NDST4: variants seen among roughly 807,000 people sequenced by gnomAD.
NDST4 encodes the protein N-deacetylase and N-sulfotransferase 4.
A neutral mutation model predicts 100.8 loss-of-function variants in NDST4; 63 were observed. The observed-to-expected ratio is 0.62, with a 90% CI of 0.51 to 0.77. The LOEUF (loss-of-function observed/expected upper bound fraction) is 0.77, where lower values mean the gene tolerates loss of function less well. Ranked by LOEUF, NDST4 falls within the 30% of genes least tolerant of loss-of-function variation. The probability of loss-of-function intolerance (pLI) is 0.00; values close to 1 mark genes in which losing one functional copy is unlikely to be tolerated. For synonymous variants in NDST4, 377 were observed against 361.8 expected, an observed-to-expected ratio of 1.04 and a Z score of -0.48; for missense variants, 943 against 1,018.4, an observed-to-expected ratio of 0.93 and a Z score of 1.01.
chr4:115,013,701 C>T (rs1727611136), intron 2 of NDST4, among the ~76,000 whole-genome samples: 1 of 151,788 alleles, frequency 6.6e-6, no homozygotes, highest in African/African-American at 2.4e-5. Context: ...TTTATTTCTG[C>T]AGTTCTGAAT....
At chr4:115,019,836 G>C (rs1727770633) in intron 2 of NDST4, among the ~76,000 whole-genome samples, 1 of 152,104 alleles carries the variant, frequency 6.6e-6, no homozygotes. Flanking sequence ...TTCCCAGTCT[G>C]TCTCACAAAC....
At chr4:114,877,391 G>T (rs1724277742) in intron 6 of NDST4, among the ~76,000 whole-genome samples, 1 of 152,014 alleles carries the variant, frequency 6.6e-6, no homozygotes, top group Non-Finnish European at 1.5e-5. Context: ...GCACACACAT[G>T]CATGTCAGCT....
intron 1 of NDST4, among the ~76,000 whole-genome samples, chr4:115,105,462 G>T (rs1233612709): frequency 6.6e-6 from 1 of 151,972 alleles, no homozygotes. Context: ...GGCATATCCT[G>T]AGTAATTTCC....
Position 115,087,771 on chromosome 4 carries a change from TA to T in NDST4, c.-246-10490del, listed in dbSNP as rs1729437337. ...ATTATTAGCCATTTTCATTCAAAAG[TA>T]AACTTTTTTTCTGTAACTTATCAGC... On this transcript the variant is annotated intron_variant, in intron 1 of 13. Transcript: ENST00000264363. 3.3e-5 allele frequency among the ~76,000 whole-genome samples: 5 copies of T among 152,060 alleles called. No homozygotes were observed. The South Asian group carries it at 1.0e-3, about 31-fold the overall frequency.
chr4:114,886,694 T>C (rs1002806670), intron 6 of NDST4, among the ~76,000 whole-genome samples: 1 of 152,128 alleles, frequency 6.6e-6, no homozygotes, highest in African/African-American at 2.4e-5. Flanking sequence ...TTGTTTCTCT[T>C]ATTCTTAGAT....
chr4:115,075,358 G>C (rs889321235), intron 2 of NDST4, among the ~76,000 whole-genome samples: 3 of 152,158 alleles, frequency 2.0e-5, no homozygotes, highest in Non-Finnish European at 4.4e-5. Context: ...ACCCGAGTTT[G>C]GCAGGATTTG....
intron 6 of NDST4, among the ~76,000 whole-genome samples, chr4:114,908,732 T>C (rs1020021093): frequency 7.9e-5 from 12 of 152,200 alleles, no homozygotes; most frequent in Admixed American, 3.3e-4. Flanking sequence ...TTAGCACACA[T>C]ATATACACGT....
intron 4 of NDST4, among the ~76,000 whole-genome samples, chr4:114,940,762 C>A (rs72681427): frequency 0.074 from 11,243 of 152,120 alleles, 460 homozygotes; most frequent in Middle Eastern, 0.12. Flanking sequence ...GAATGTGGGG[C>A]GGGTTTATTG....
At chr4:114,943,343 AC>A (rs759299245) in intron 4 of NDST4, among the ~76,000 whole-genome samples, 23 of 152,000 alleles carry the variant, frequency 1.5e-4, no homozygotes, top group South Asian at 6.2e-4. Context: ...AAAAGTAATA[AC>A]TTAATTATGT....
At chr4:114,944,305 G>A (rs1242875609) in intron 4 of NDST4, among the ~76,000 whole-genome samples, 2 of 152,128 alleles carry the variant, frequency 1.3e-5, no homozygotes, top group Admixed American at 1.3e-4. Context: ...GCCATCTAAA[G>A]TTGTCAGACT....
intron 2 of NDST4, among the ~76,000 whole-genome samples, chr4:115,061,738 G>A (rs1728828838): frequency 6.6e-6 from 1 of 151,994 alleles, no homozygotes. Flanking sequence ...ATGTATAGCT[G>A]TGTAACAAAC....
chr4:114,919,366 A>G (rs1725242222), intron 6 of NDST4, among the ~76,000 whole-genome samples: 1 of 152,196 alleles, frequency 6.6e-6, no homozygotes, highest in Admixed American at 6.5e-5. Flanking sequence ...CAAGTTAGTG[A>G]TAGAGAGTGA....
chr4:115,078,022 T>C (rs1729224611), intron 1 of NDST4, among the ~76,000 whole-genome samples: 1 of 152,224 alleles, frequency 6.6e-6, no homozygotes, highest in Non-Finnish European at 1.5e-5. Context: ...TCATTGTCAA[T>C]TTTTATCCAA....
chr4:114,987,899 C>T (rs1015939573), intron 2 of NDST4, among the ~76,000 whole-genome samples: 1 of 152,210 alleles, frequency 6.6e-6, no homozygotes, highest in Admixed American at 6.5e-5. Context: ...ATGATCTCCT[C>T]TATTGAATAT....
Position 114,853,433 on chromosome 4 carries a change from A to G in NDST4, c.1720-612T>C, listed in dbSNP as rs189596045. The stretch of plus-strand genomic sequence containing the variant: ...GGAAATTTCAGACTCAACATACCCA[A>G]TGTATCCATTGGTCCAATATTATGC... On this transcript the variant is annotated intron_variant, in intron 7 of 13. Transcript: ENST00000264363. 2.6e-5 allele frequency among the ~76,000 whole-genome samples: 4 copies of G among 152,240 alleles called. No homozygotes were observed. In the East Asian group the frequency reaches 7.7e-4, roughly 29 times the overall value.
intron 6 of NDST4, among the ~76,000 whole-genome samples, chr4:114,892,518 G>A (rs1284038626): frequency 2.0e-5 from 3 of 152,022 alleles, no homozygotes; most frequent in African/African-American, 4.8e-5. Context: ...GACCATCAAA[G>A]ATGTCTTATT....
At chr4:114,952,021 C>A (rs1471518932) in intron 4 of NDST4, among the ~76,000 whole-genome samples, 4 of 152,050 alleles carry the variant, frequency 2.6e-5, no homozygotes, top group Admixed American at 2.6e-4. Context: ...TGGGGGGAAA[C>A]CTATGTTATA....
At chr4:115,107,457 A>G (rs1729854522) in intron 1 of NDST4, among the ~76,000 whole-genome samples, 1 of 152,120 alleles carries the variant, frequency 6.6e-6, no homozygotes. Context: ...TGCACATTAC[A>G]AGAAATTGCT....
chr4:115,088,291 A>G (rs751573275), intron 1 of NDST4, among the ~76,000 whole-genome samples: 16 of 150,648 alleles, frequency 1.1e-4, no homozygotes, highest in Non-Finnish European at 3.0e-5. Context: ...TCCTGATTCC[A>G]TAGATAATGT....
Sources: gnomAD v4.1 joint callset for allele counts (sites outside exome capture counted in the v4.1 genomes callset) on GRCh38, gnomAD v4.1.1 for gene constraint, MANE v1.5 for transcripts, NCBI Gene and HGNC (gene_info 2026-07-23, HGNC 2026-07-21) for gene names.